The following ARHGAP21 variants were observed in gnomAD, a reference collection of about 807,000 sequenced individuals.
ARHGAP21 encodes the protein rho GTPase-activating protein 21.
In ARHGAP21, 38 loss-of-function variants were observed where a neutral mutation model predicts 164.6. The observed-to-expected ratio is 0.23, with a 90% CI of 0.18 to 0.30. The LOEUF is 0.30. ARHGAP21 is among the 10% of genes least tolerant of loss of function. The probability of loss-of-function intolerance (pLI) is 1.00; values close to 1 mark genes in which losing one functional copy is unlikely to be tolerated. For synonymous variants in ARHGAP21, 766 were observed against 857.9 expected (o/e 0.89, Z 1.87); for missense variants, 1,822 against 2,370.7 (o/e 0.77, Z 4.81).
At chr10:24,668,180 G>A (rs1331502665) in intron 3 of ARHGAP21, among the ~76,000 whole-genome samples, 3 of 152,160 alleles carry the variant, frequency 2.0e-5, no homozygotes, top group Admixed American at 1.3e-4. Flanking sequence ...CTCAAACCCA[G>A]GCTCTTTTGA....
At chr10:24,603,306 G>C (rs1377944002) in intron 12 of ARHGAP21, among the ~76,000 whole-genome samples, 1 of 152,216 alleles carries the variant, frequency 6.6e-6, no homozygotes, top group African/African-American at 2.4e-5. Flanking sequence ...AAGGGAGCCA[G>C]AAATTGTGTT....
chr10:24,669,000 T>C (rs1840454467), intron 3 of ARHGAP21, among the ~76,000 whole-genome samples: 1 of 152,182 alleles, frequency 6.6e-6, no homozygotes, highest in African/African-American at 2.4e-5. Flanking sequence ...AGTAACACTA[T>C]TTGAGACTTT....
At chr10:24,612,460 C>T (rs1357271524) in intron 9 of ARHGAP21, among the ~76,000 whole-genome samples, 1 of 152,160 alleles carries the variant, frequency 6.6e-6, no homozygotes, top group Non-Finnish European at 1.5e-5. Flanking sequence ...CCAACTCCTA[C>T]CAGAAGGGAC....
chr10:24,642,644 T>G (rs1460635689), intron 4 of ARHGAP21, among the ~76,000 whole-genome samples: 1 of 151,646 alleles, frequency 6.6e-6, no homozygotes, highest in Non-Finnish European at 1.5e-5. Flanking sequence ...TCTTCCTAAA[T>G]ACCTACTTAA....
intron 4 of ARHGAP21, among the ~76,000 whole-genome samples, chr10:24,638,851 A>G (rs918887060): frequency 6.6e-6 from 1 of 152,230 alleles, no homozygotes. Context: ...AGGTTCAAAA[A>G]AAGTCCCATT....
intron 14 of ARHGAP21, 59 bp downstream of exon 14, chr10:24,600,576 ATTCCTTAGATC>A (rs2076773987): frequency 6.6e-7 from 1 of 1,506,510 alleles, no homozygotes; most frequent in Admixed American, 2.1e-5. Flanking sequence ...GATATATCAT[ATTCCTTAGATC>A]TTTGTAAGAA....
intron 7 of ARHGAP21, chr10:24,628,970 A>AC (rs1835524567): frequency 2.9e-4 from 4 of 14,022 alleles, no homozygotes; most frequent in Non-Finnish European, 4.8e-4. Context: ...ATATATATAT[A>AC]TATATATATA....
chr10:24,663,234 G>A (rs1839879814), intron 4 of ARHGAP21, among the ~76,000 whole-genome samples: 1 of 151,960 alleles, frequency 6.6e-6, no homozygotes. Flanking sequence ...TCTTACTTAG[G>A]ATTATCCCTT....
intron 2 of ARHGAP21, among the ~76,000 whole-genome samples, chr10:24,707,329 A>C (rs865788744): frequency 4.6e-5 from 7 of 152,206 alleles, no homozygotes; most frequent in Non-Finnish European, 8.8e-5. Flanking sequence ...AACATGCTTA[A>C]AACAGTGTCT....
intron 2 of ARHGAP21, among the ~76,000 whole-genome samples, chr10:24,707,051 C>T (rs192846147): frequency 4.7e-4 from 71 of 152,306 alleles, no homozygotes; most frequent in African/African-American, 1.7e-3. Context: ...TCCGTCCTTT[C>T]TTAACCTCTC....
At chr10:24,696,115 C>G (rs1843148824) in intron 2 of ARHGAP21, among the ~76,000 whole-genome samples, 1 of 152,156 alleles carries the variant, frequency 6.6e-6, no homozygotes, top group Non-Finnish European at 1.5e-5. Flanking sequence ...CAATAGTTTC[C>G]AGGCATTGGA....
intron 12 of ARHGAP21, among the ~76,000 whole-genome samples, chr10:24,603,123 C>T (rs1284262847): frequency 1.3e-5 from 2 of 152,094 alleles, no homozygotes; most frequent in South Asian, 2.1e-4. Flanking sequence ...CATAAGATCA[C>T]TGAGGAAATC....
chr10:24,585,719 G>A lies in ARHGAP21; in HGVS notation c.4570C>T (p.Leu1524=), dbSNP rs957865037. The part of the protein sequence containing the change: ...SPTLSCRFAI[L]KESPRSLLAQ... The stretch of plus-strand genomic sequence containing the variant: ...AGAAGTGACCTGGGGCTCTCTTTCA[G>A]GATGGCAAAGCGACAGCTGAGAGTT... The change falls in exon 26 of 26, where the codon CTG becomes TTG. Residue 1524 remains leucine, a synonymous_variant. Coordinates refer to ENST00000396432, the MANE Select transcript of ARHGAP21 (RefSeq NM_020824.4). The A allele has an allele frequency of 1.9e-6, 3 of 1,614,006 alleles. No individual in the cohort carries two copies. Among genetic ancestry groups the A allele is most frequent in the South Asian group, 2.2e-5 (2 of 91,080 alleles).
At chr10:24,666,723 G>A (rs981805498) in intron 4 of ARHGAP21, among the ~76,000 whole-genome samples, 3 of 151,922 alleles carry the variant, frequency 2.0e-5, no homozygotes, top group African/African-American at 7.3e-5. Context: ...TGCTCTCCTT[G>A]GAATTATAAT....
In ARHGAP21 at chr10:24,585,773, G is replaced by A; in HGVS notation, c.4516C>T (p.Pro1506Ser). 6.2e-7 allele frequency: 1 copy of A among 1,613,966 alleles called. No individual in the cohort carries two copies. The highest frequency in any genetic ancestry group is 8.5e-7 in the Non-Finnish European group (1 of 1,179,880). The change falls in exon 26 of 26, where the codon CCA (proline) becomes TCA (serine). Residue 1506 changes from proline (P) to serine (S), a missense_variant. Pro to Ser is a moderately conservative substitution (Grantham distance 74). This residue lies in a region of ARHGAP21 where 333 missense variants were observed against 383.9 expected (regional missense o/e 0.87). Transcript: ENST00000396432. ...GACTTGTTGTGTTTTGAGTTGTGTG[G>A]TGGTGAGGGTTCTTCAGAAGGCGTG... Reference protein sequence around the residue: ...ESTPSEEPSPPHNSKHNKSPT... With the variant: ...ESTPSEEPSPSHNSKHNKSPT...
chr10:24,652,087 C>T (rs748104170), intron 4 of ARHGAP21, among the ~76,000 whole-genome samples: 1 of 152,126 alleles, frequency 6.6e-6, no homozygotes, highest in Non-Finnish European at 1.5e-5. Context: ...GTCGCATATT[C>T]TTCTTTTTTT....
At chr10:24,704,511 C>T (rs1844034300) in intron 2 of ARHGAP21, among the ~76,000 whole-genome samples, 1 of 151,154 alleles carries the variant, frequency 6.6e-6, no homozygotes, top group Non-Finnish European at 1.5e-5. Context: ...CACTGCCAGG[C>T]CAGAGTACAG....
At chr10:24,642,656 A>T (rs1837195070) in intron 4 of ARHGAP21, among the ~76,000 whole-genome samples, 2 of 152,296 alleles carry the variant, frequency 1.3e-5, no homozygotes, top group South Asian at 4.1e-4. Flanking sequence ...CCTACTTAAC[A>T]TTAATAAAAA....
intron 2 of ARHGAP21, among the ~76,000 whole-genome samples, chr10:24,697,305 C>T (rs892926263): frequency 1.3e-5 from 2 of 151,410 alleles, no homozygotes; most frequent in South Asian, 4.2e-4. Flanking sequence ...GGTATGAGGA[C>T]AATATGACAA....
Sources: allele counts gnomAD v4.1 joint callset (sites outside exome capture counted in the v4.1 genomes callset), GRCh38; gene constraint gnomAD v4.1.1; regional missense constraint gnomAD v4.1.1; transcripts MANE v1.5; gene names NCBI Gene and HGNC (gene_info 2026-07-23, HGNC 2026-07-21).